Variants in SYT1 observed in about 807,000 individuals in gnomAD.
The protein encoded by SYT1 is synaptotagmin-1.
SYT1 carries 8 observed loss-of-function variants against 44.8 expected under a neutral mutation model. The observed-to-expected ratio is 0.18, with a 90% CI of 0.10 to 0.32. The LOEUF (loss-of-function observed/expected upper bound fraction) is 0.32, where lower values mean the gene tolerates loss of function less well. SYT1 is among the 10% of genes least tolerant of loss of function. SYT1 has a pLI of 1.00. For missense variants in SYT1, 286 were observed against 509.3 expected (o/e 0.56, Z 4.22); for synonymous variants, 154 against 188.8 (o/e 0.82, Z 1.51).
At chr12:79,143,558 ATGT>A (rs1447772328) in intron 3 of SYT1, among the ~76,000 whole-genome samples, 1 of 152,216 alleles carries the variant, frequency 6.6e-6, no homozygotes, top group Non-Finnish European at 1.5e-5. Flanking sequence ...ATCAAAGAAA[ATGT>A]TGACACTGCT....
At chr12:79,086,595 G>T (rs1215126180) in intron 3 of SYT1, among the ~76,000 whole-genome samples, 1 of 152,130 alleles carries the variant, frequency 6.6e-6, no homozygotes, top group African/African-American at 2.4e-5. Flanking sequence ...GAAGCATCAT[G>T]GTTACTGCCT....
chr12:79,271,534 C>T (rs1248471796), intron 4 of SYT1, among the ~76,000 whole-genome samples: 1 of 152,080 alleles, frequency 6.6e-6, no homozygotes. Context: ...GAGATTTTAA[C>T]ACCTGGGAAA....
rs555891209 is a variant in SYT1 at position 79,097,164 on chromosome 12, G to A, written c.-18+49802G>A. ...CAAAAGCAGGAAGGCTGAAGCCACA[G>A]ATGTGGATGTAATTACTAAAAGTAG... is the stretch of plus-strand genomic sequence containing the variant. On this transcript the variant is annotated intron_variant, in intron 3 of 10. Coordinates refer to ENST00000261205, the MANE Select transcript of SYT1 (RefSeq NM_005639.3). 6.2e-4 allele frequency among the ~76,000 whole-genome samples: 95 copies of A among 152,062 alleles called. 1 individual carries two copies. In the South Asian group the frequency reaches 0.019, roughly 30 times the overall value.
chr12:79,322,412 A>G (rs1322921228), intron 8 of SYT1, among the ~76,000 whole-genome samples: 1 of 152,066 alleles, frequency 6.6e-6, no homozygotes, highest in African/African-American at 2.4e-5. Flanking sequence ...ATTAACTTTC[A>G]TGTTCCATAT....
At chr12:79,154,394 CG>C (rs1201565803) in intron 3 of SYT1, among the ~76,000 whole-genome samples, 10 of 150,088 alleles carry the variant, frequency 6.7e-5, no homozygotes, top group Admixed American at 4.7e-4. Flanking sequence ...GACATAGGTA[CG>C]TTTTTTTCTC....
chr12:78,981,634 G>A (rs1466052238), intron 2 of SYT1, among the ~76,000 whole-genome samples: 1 of 152,012 alleles, frequency 6.6e-6, no homozygotes, highest in African/African-American at 2.4e-5. Context: ...ACTCTTTATT[G>A]AGTTCCACTT....
chr12:78,886,494 A>G (rs1002856556), intron 1 of SYT1, among the ~76,000 whole-genome samples: 7 of 152,058 alleles, frequency 4.6e-5, no homozygotes, highest in Non-Finnish European at 1.0e-4. Flanking sequence ...TTTGAAATTA[A>G]TCATCACCTA....
chr12:78,891,845 G>A (rs1217417249), intron 1 of SYT1, among the ~76,000 whole-genome samples: 1 of 151,764 alleles, frequency 6.6e-6, no homozygotes, highest in Non-Finnish European at 1.5e-5. Context: ...AAACCAAACT[G>A]AAACTGAGAT....
intron 4 of SYT1, among the ~76,000 whole-genome samples, chr12:79,218,530 C>T (rs1874954432): frequency 6.6e-6 from 1 of 152,184 alleles, no homozygotes. Context: ...ATTGCCACCT[C>T]CCCACAATCA....
At chr12:78,984,349 C>G (rs751428022) in intron 2 of SYT1, among the ~76,000 whole-genome samples, 1 of 151,798 alleles carries the variant, frequency 6.6e-6, no homozygotes, top group Non-Finnish European at 1.5e-5. Context: ...GGCACAAATA[C>G]CACAATGTAT....
At chr12:79,279,913 T>G (rs557387625) in intron 4 of SYT1, among the ~76,000 whole-genome samples, 67 of 151,862 alleles carry the variant, frequency 4.4e-4, no homozygotes, top group African/African-American at 1.6e-3. Flanking sequence ...AAACATAAAA[T>G]ACCTAAAAAT....
At chr12:79,327,031 G>T (rs941136) in intron 8 of SYT1, among the ~76,000 whole-genome samples, 6,422 of 152,086 alleles carry the variant, frequency 0.042, 175 homozygotes, top group African/African-American at 0.076. Context: ...TAAGAAAAAT[G>T]GAGATGTTCC....
chr12:79,448,290 G>GA (rs1292262930), intron 10 of SYT1, among the ~76,000 whole-genome samples: 2 of 152,032 alleles, frequency 1.3e-5, no homozygotes, highest in East Asian at 1.9e-4. Context: ...GTATGGATGA[G>GA]AAAAAAATAT....
At chr12:79,360,171 G>A (rs1883264799) in intron 9 of SYT1, among the ~76,000 whole-genome samples, 1 of 151,802 alleles carries the variant, frequency 6.6e-6, no homozygotes, top group South Asian at 2.1e-4. Flanking sequence ...CTGAGGCCTA[G>A]GTCAGCCAAG....
chr12:79,363,449 G>T (rs888464397), intron 9 of SYT1, among the ~76,000 whole-genome samples: 2 of 151,960 alleles, frequency 1.3e-5, no homozygotes, highest in Non-Finnish European at 1.5e-5. Context: ...TACTGGCCAG[G>T]TGCAGTGGCT....
chr12:79,254,859 A>G (rs1319984066), intron 4 of SYT1, among the ~76,000 whole-genome samples: 1 of 152,218 alleles, frequency 6.6e-6, no homozygotes, highest in African/African-American at 2.4e-5. Context: ...GAGCCTGAAG[A>G]TGTAACTGAA....
intron 3 of SYT1, among the ~76,000 whole-genome samples, chr12:79,210,597 A>G (rs149281561): frequency 6.6e-6 from 1 of 152,308 alleles, no homozygotes; most frequent in East Asian, 1.9e-4. Context: ...TTCATGGCTG[A>G]GTAGTATTCC....
chr12:79,107,313 G>A (rs1878771261), intron 3 of SYT1, among the ~76,000 whole-genome samples: 1 of 151,874 alleles, frequency 6.6e-6, no homozygotes, highest in African/African-American at 2.4e-5. Flanking sequence ...ATAATATAAA[G>A]TGTAATGGTT....
intron 3 of SYT1, among the ~76,000 whole-genome samples, chr12:79,173,766 G>A (rs1171117675): frequency 2.0e-5 from 3 of 152,036 alleles, no homozygotes; most frequent in South Asian, 4.1e-4. Context: ...AAAGGACCCA[G>A]TTAACATTGG....
Sources: gnomAD v4.1 joint callset for allele counts (sites outside exome capture counted in the v4.1 genomes callset) on GRCh38, gnomAD v4.1.1 for gene constraint, MANE v1.5 for transcripts, NCBI Gene and HGNC (gene_info 2026-07-23, HGNC 2026-07-21) for gene names.